PTPRD: variants seen among roughly 807,000 people sequenced by gnomAD.
The protein encoded by PTPRD is receptor-type tyrosine-protein phosphatase delta.
A neutral mutation model predicts 214.5 loss-of-function variants in PTPRD; 34 were observed. The observed-to-expected ratio is 0.16, with a 90% CI of 0.12 to 0.21. The LOEUF (loss-of-function observed/expected upper bound fraction) is 0.21. PTPRD is among the 10% of genes least tolerant of loss of function. The probability of loss-of-function intolerance (pLI) is 1.00; values close to 1 mark genes in which losing one functional copy is unlikely to be tolerated. For missense variants in PTPRD, 2,545 were observed against 2,398.7 expected (o/e 1.06, Z -1.27); for synonymous variants, 1,128 against 845.7 (o/e 1.33, Z -5.79).
At chr9:9,760,842 T>C (rs886242801) in intron 6 of PTPRD, among the ~76,000 whole-genome samples, 2 of 151,952 alleles carry the variant, frequency 1.3e-5, no homozygotes, top group Non-Finnish European at 2.9e-5. Context: ...AAATATTAAT[T>C]CAATGAGATA....
chr9:9,987,820 A>G (rs993722041), intron 4 of PTPRD, among the ~76,000 whole-genome samples: 1 of 152,184 alleles, frequency 6.6e-6, no homozygotes, highest in African/African-American at 2.4e-5. Context: ...CTTTTTCAGT[A>G]TGCTAGTTGC....
At chr9:8,321,479 G>GTATATATATATA (rs1265617885) in intron 44 of PTPRD, among the ~76,000 whole-genome samples, 3 of 58,126 alleles carry the variant, frequency 5.2e-5, no homozygotes, top group African/African-American at 2.2e-4. Flanking sequence ...GTGTGTGTGT[G>GTATATATATATA]TGTGTGTGTA....
intron 44 of PTPRD, among the ~76,000 whole-genome samples, chr9:8,326,207 T>C (rs1002137155): frequency 1.3e-5 from 2 of 152,244 alleles, no homozygotes; most frequent in African/African-American, 4.8e-5. Flanking sequence ...GCTGTGCGTT[T>C]GTCATAAATA....
chr9:8,375,293 A>C (rs1474452089), intron 39 of PTPRD, among the ~76,000 whole-genome samples: 1 of 152,032 alleles, frequency 6.6e-6, no homozygotes, highest in Non-Finnish European at 1.5e-5. Flanking sequence ...GTGGTGATGT[A>C]GCTGTTAGAG....
intron 7 of PTPRD, among the ~76,000 whole-genome samples, chr9:9,676,990 T>C (rs2096944811): frequency 6.6e-6 from 1 of 152,196 alleles, no homozygotes; most frequent in Non-Finnish European, 1.5e-5. Flanking sequence ...TTTTTTCTTG[T>C]AAATTTGTTT....
chr9:8,645,447 C>G (rs1469856114), intron 12 of PTPRD, among the ~76,000 whole-genome samples: 3 of 152,196 alleles, frequency 2.0e-5, no homozygotes, highest in Non-Finnish European at 4.4e-5. Context: ...AACTCTCTTC[C>G]ATTTCAAGAC....
intron 3 of PTPRD, among the ~76,000 whole-genome samples, chr9:10,190,177 A>G (rs1469893589): frequency 6.7e-6 from 1 of 148,548 alleles, no homozygotes; most frequent in East Asian, 2.0e-4. Context: ...GATCAGCCTG[A>G]CCAATATGGT....
chr9:8,536,440 T>C (rs1046787043), intron 14 of PTPRD, among the ~76,000 whole-genome samples: 1 of 151,872 alleles, frequency 6.6e-6, no homozygotes, highest in Non-Finnish European at 1.5e-5. Flanking sequence ...CATATATACG[T>C]ATATAAATGT....
intron 11 of PTPRD, among the ~76,000 whole-genome samples, chr9:8,918,961 G>T (rs1027931723): frequency 5.3e-5 from 8 of 152,062 alleles, no homozygotes; most frequent in African/African-American, 1.7e-4. Context: ...TACAAAGTTC[G>T]ACTGAAAAAG....
At chr9:10,602,819 C>A (rs1006742278) in intron 2 of PTPRD, among the ~76,000 whole-genome samples, 1 of 151,640 alleles carries the variant, frequency 6.6e-6, no homozygotes, top group African/African-American at 2.4e-5. Context: ...TTAATCACAA[C>A]AGTCTCATTT....
chr9:8,940,452 TTTTTTTTTTTTG>T, intron 11 of PTPRD, among the ~76,000 whole-genome samples: 1 of 133,506 alleles, frequency 7.5e-6, no homozygotes, highest in East Asian at 2.4e-4. Context: ...CCAGCTTTTT[TTTTTTTTTTTTG>T]GTATTTTTAA....
At chr9:9,024,556 G>A (rs979230532) in intron 10 of PTPRD, among the ~76,000 whole-genome samples, 2 of 151,574 alleles carry the variant, frequency 1.3e-5, no homozygotes, top group Non-Finnish European at 2.9e-5. Flanking sequence ...AGATAGGAGA[G>A]TTCCAACTTC....
At chr9:10,416,388 GACAA>G (rs1222561779) in intron 2 of PTPRD, among the ~76,000 whole-genome samples, 1 of 151,598 alleles carries the variant, frequency 6.6e-6, no homozygotes, top group Non-Finnish European at 1.5e-5. Flanking sequence ...AAAAGCAACA[GACAA>G]ACAAACACCC....
intron 4 of PTPRD, among the ~76,000 whole-genome samples, chr9:9,967,746 C>A (rs923526343): frequency 3.3e-5 from 5 of 152,038 alleles, no homozygotes; most frequent in African/African-American, 1.2e-4. Flanking sequence ...ATTTCAAAAT[C>A]TTTAAGAACT....
chr9:10,254,051 C>G (rs964203133), intron 3 of PTPRD, among the ~76,000 whole-genome samples: 6 of 152,136 alleles, frequency 3.9e-5, no homozygotes, highest in African/African-American at 1.4e-4. Context: ...AAAGAAAGCA[C>G]GTTTTCTGAG....
intron 5 of PTPRD, among the ~76,000 whole-genome samples, chr9:9,781,060 A>C (rs2098839220): frequency 6.6e-6 from 1 of 152,194 alleles, no homozygotes; most frequent in Admixed American, 6.5e-5. Context: ...TAGGAGGAGC[A>C]CAGGGGGTTT....
chr9:8,322,237 T>G (rs1158219737), intron 44 of PTPRD, among the ~76,000 whole-genome samples: 3 of 152,064 alleles, frequency 2.0e-5, no homozygotes, highest in East Asian at 3.9e-4. Flanking sequence ...GGCCTCTAAG[T>G]GTTCAAGTGA....
chr9:8,933,176 G>C (rs2098965038), intron 11 of PTPRD, among the ~76,000 whole-genome samples: 1 of 151,948 alleles, frequency 6.6e-6, no homozygotes, highest in Non-Finnish European at 1.5e-5. Context: ...CCCTGCTTCT[G>C]CTCGCCCTTC....
chr9:8,408,974 G>A (rs980778281), intron 35 of PTPRD, among the ~76,000 whole-genome samples: 9 of 152,154 alleles, frequency 5.9e-5, no homozygotes, highest in Non-Finnish European at 1.0e-4. Context: ...TGGTCTGAAA[G>A]TTCTAATCCT....
Sources: gnomAD v4.1 joint callset for allele counts (sites outside exome capture counted in the v4.1 genomes callset) on GRCh38, gnomAD v4.1.1 for gene constraint, MANE v1.5 for transcripts, NCBI Gene and HGNC (gene_info 2026-07-23, HGNC 2026-07-21) for gene names.